ERP44: variants seen among roughly 807,000 people sequenced by gnomAD.
ERP44 encodes the protein endoplasmic reticulum protein 44.
ERP44 carries 25 observed loss-of-function variants against 53.4 expected under a neutral mutation model. The ratio of observed to expected loss-of-function variants is 0.47; its 90% CI spans 0.34 to 0.65. The LOEUF (loss-of-function observed/expected upper bound fraction) is 0.65. ERP44 is among the 30% of genes least tolerant of loss of function. ERP44 has a pLI of 0.01. For synonymous variants in ERP44, 145 were observed against 161.2 expected (o/e 0.90, Z 0.76); for missense variants, 338 against 493.2 (o/e 0.69, Z 2.98).
intron 1 of ERP44, among the ~76,000 whole-genome samples, chr9:100,081,193 G>C (rs1227739982): frequency 6.6e-6 from 1 of 151,922 alleles, no homozygotes; most frequent in Non-Finnish European, 1.5e-5. Flanking sequence ...ACCTATAAAA[G>C]ATAGTAATTC....
At chr9:99,989,985 GACAA>G (rs771572882) in intron 10 of ERP44, among the ~76,000 whole-genome samples, 18 of 152,216 alleles carry the variant, frequency 1.2e-4, no homozygotes, top group Admixed American at 5.9e-4. Flanking sequence ...AGTAAAAAGA[GACAA>G]ACAAAGCCTC....
intron 7 of ERP44, 37 bp downstream of exon 7, chr9:100,018,212 TTAAATTA>T: frequency 3.4e-6 from 4 of 1,182,842 alleles, no homozygotes; most frequent in Non-Finnish European, 5.1e-6. Flanking sequence ...ACGCATGTAT[TTAAATTA>T]TATCTTATCA....
intron 8 of ERP44, among the ~76,000 whole-genome samples, chr9:100,015,858 C>T (rs549430288): frequency 5.7e-4 from 87 of 152,200 alleles, no homozygotes; most frequent in African/African-American, 2.1e-3. Flanking sequence ...GCACAGTTCA[C>T]AACAGGGTTC....
chr9:100,004,403 G>T (rs1830407118), intron 10 of ERP44, among the ~76,000 whole-genome samples: 1 of 152,214 alleles, frequency 6.6e-6, no homozygotes, highest in Middle Eastern at 3.2e-3. Flanking sequence ...CAGAGACTGA[G>T]TCTGCTGGGC....
At position 99,981,653 on chromosome 9, in the gene ERP44, G is replaced by C. The variant is rs1336162259; in HGVS notation, c.*959C>G. The C allele has an allele frequency of 2.0e-5, 3 of 152,610 alleles. No individual in the cohort carries two copies. The highest frequency in any genetic ancestry group is 4.4e-5 in the Non-Finnish European group (3 of 68,064). The allele number at this position is 152,610 out of a possible 1,614,324, so 9.5% of individuals were successfully genotyped here. A position where few individuals can be genotyped will look rare whatever the true frequency, so the allele number is the denominator to read the frequency against. On this transcript the variant is annotated 3_prime_UTR_variant, in exon 12 of 12. Coordinates refer to ENST00000262455, the MANE Select transcript of ERP44 (RefSeq NM_015051.3). ...GCCTGGGGAAATCAGGGAATCTAGA[G>C]GGGGTAGGGTCCTCTAACCATTTTA...
chr9:100,050,469 AAGGC>A (rs1398834831), intron 4 of ERP44, among the ~76,000 whole-genome samples: 1 of 152,224 alleles, frequency 6.6e-6, no homozygotes, highest in Non-Finnish European at 1.5e-5. Flanking sequence ...ATCTGCCTAA[AAGGC>A]ATTTCTCTTT....
At chr9:99,998,503 C>G in intron 10 of ERP44, 1 of 714,772 alleles carries the variant, frequency 1.4e-6, no homozygotes, top group South Asian at 1.5e-5. Context: ...CCCTCGGAGC[C>G]CCGCTGTCCC....
At chr9:100,054,834 C>T (rs983609306) in intron 3 of ERP44, among the ~76,000 whole-genome samples, 1 of 152,118 alleles carries the variant, frequency 6.6e-6, no homozygotes, top group Non-Finnish European at 1.5e-5. Context: ...ACATGTGTAT[C>T]CATACACATG....
At chr9:100,083,609 C>T (rs1382519117) in intron 1 of ERP44, among the ~76,000 whole-genome samples, 2 of 152,162 alleles carry the variant, frequency 1.3e-5, no homozygotes, top group African/African-American at 4.8e-5. Context: ...TAGTACATGC[C>T]TTGCTCCAGT....
At chr9:100,019,703 A>G (rs977335323) in intron 6 of ERP44, among the ~76,000 whole-genome samples, 4 of 152,056 alleles carry the variant, frequency 2.6e-5, no homozygotes, top group African/African-American at 9.7e-5. Context: ...TCAGACAGGT[A>G]GGGAGCAAAC....
chr9:100,057,972 G>GT lies in ERP44; in HGVS notation c.131-114dup. ...ATAAGGGTCCACTTAAAAAAACACA[G>GT]TAACTATTATCTCTCACTCAGAAAC... On this transcript the variant is annotated intron_variant, in intron 2 of 11. Coordinates refer to ENST00000262455, the MANE Select transcript of ERP44 (RefSeq NM_015051.3). 4 of 766,636 alleles carry GT rather than the reference G, an allele frequency of 5.2e-6. No homozygotes were observed. The Admixed American group carries it at 1.1e-4, about 20-fold the overall frequency. The allele number at this position is 766,636 out of a possible 1,614,324, so 47.5% of individuals were successfully genotyped here.
chr9:100,027,546 T>G (rs1369449231), intron 4 of ERP44, among the ~76,000 whole-genome samples: 1 of 152,170 alleles, frequency 6.6e-6, no homozygotes, highest in African/African-American at 2.4e-5. Flanking sequence ...AATAAATGGG[T>G]TTTTAAAATT....
chr9:100,067,389 C>G (rs1353177385), intron 1 of ERP44, among the ~76,000 whole-genome samples: 1 of 152,166 alleles, frequency 6.6e-6, no homozygotes, highest in Admixed American at 6.5e-5. Flanking sequence ...GACGGGGTTT[C>G]GCTGTGTTGG....
chr9:100,092,726 AG>A (rs1564107920), intron 1 of ERP44, among the ~76,000 whole-genome samples: 1 of 152,248 alleles, frequency 6.6e-6, no homozygotes, highest in Non-Finnish European at 1.5e-5. Flanking sequence ...CATGCACACA[AG>A]AAAACAAATT....
At chr9:100,028,649 G>T (rs1366149839) in intron 4 of ERP44, among the ~76,000 whole-genome samples, 1 of 152,192 alleles carries the variant, frequency 6.6e-6, no homozygotes, top group Non-Finnish European at 1.5e-5. Context: ...TTAACTAGCA[G>T]AGATATATTT....
chr9:99,994,152 G>A (rs1830285289), intron 10 of ERP44, among the ~76,000 whole-genome samples: 1 of 152,172 alleles, frequency 6.6e-6, no homozygotes, highest in African/African-American at 2.4e-5. Flanking sequence ...CCATTACTGG[G>A]TATATACCCA....
chr9:100,072,978 T>G (rs1826321792), intron 1 of ERP44, among the ~76,000 whole-genome samples: 1 of 152,200 alleles, frequency 6.6e-6, no homozygotes, highest in Non-Finnish European at 1.5e-5. Flanking sequence ...GTCCTTAATT[T>G]CCTAATGTTT....
At chr9:100,036,105 C>T (rs1008334709) in intron 4 of ERP44, among the ~76,000 whole-genome samples, 6 of 152,300 alleles carry the variant, frequency 3.9e-5, no homozygotes, top group South Asian at 4.1e-4. Context: ...ATATGTTCCT[C>T]GCAGCACTAT....
At chr9:100,004,552 C>G (rs1830409134) in intron 10 of ERP44, among the ~76,000 whole-genome samples, 1 of 152,184 alleles carries the variant, frequency 6.6e-6, no homozygotes. Context: ...CTGGGTTTTA[C>G]CAGGACAAGC....
Sources: allele counts gnomAD v4.1 joint callset (sites outside exome capture counted in the v4.1 genomes callset), GRCh38; gene constraint gnomAD v4.1.1; transcripts MANE v1.5; gene names NCBI Gene and HGNC (gene_info 2026-07-23, HGNC 2026-07-21).